The following SLC24A3 variants were observed in gnomAD, a reference collection of about 807,000 sequenced individuals.
SLC24A3 encodes the protein solute carrier family 24 member 3.
SLC24A3 carries 28 observed loss-of-function variants against 75.8 expected under a neutral mutation model. The ratio of observed to expected loss-of-function variants is 0.37; its 90% CI spans 0.27 to 0.51. The LOEUF (loss-of-function observed/expected upper bound fraction) is 0.51, where lower values mean the gene tolerates loss of function less well. SLC24A3 is among the 20% of genes least tolerant of loss of function. SLC24A3 has a pLI of 0.94. For missense variants in SLC24A3, 663 were observed against 847.8 expected (o/e 0.78, Z 2.71); for synonymous variants, 372 against 334.1 (o/e 1.11, Z -1.24).
At chr20:19,498,966 A>G (rs1988343466) in intron 2 of SLC24A3, among the ~76,000 whole-genome samples, 1 of 152,206 alleles carries the variant, frequency 6.6e-6, no homozygotes, top group African/African-American at 2.4e-5. Flanking sequence ...AGAAGACCAC[A>G]TGGCAAGACC....
intron 6 of SLC24A3, among the ~76,000 whole-genome samples, chr20:19,645,420 A>C (rs2032125804): frequency 6.6e-6 from 1 of 152,212 alleles, no homozygotes; most frequent in South Asian, 2.1e-4. Flanking sequence ...TGCAAGGCTC[A>C]GCTATATAGA....
At chr20:19,541,344 C>T (rs971626140) in intron 3 of SLC24A3, among the ~76,000 whole-genome samples, 2 of 152,364 alleles carry the variant, frequency 1.3e-5, no homozygotes, top group Non-Finnish European at 2.9e-5. Context: ...CTGCCTGTCC[C>T]GGAAGCCTGG....
chr20:19,649,229 G>C (rs147903445), intron 6 of SLC24A3, among the ~76,000 whole-genome samples: 17 of 152,340 alleles, frequency 1.1e-4, no homozygotes, highest in African/African-American at 3.8e-4. Context: ...TCAGGGCTGA[G>C]TCACATGGTT....
chr20:19,609,347 C>G (rs2031641467), intron 6 of SLC24A3, among the ~76,000 whole-genome samples: 1 of 151,206 alleles, frequency 6.6e-6, no homozygotes, highest in African/African-American at 2.4e-5. Flanking sequence ...TTATTTCTGT[C>G]CTACCACAAT....
At chr20:19,313,191 C>T (rs545530643) in intron 2 of SLC24A3, among the ~76,000 whole-genome samples, 1 of 152,154 alleles carries the variant, frequency 6.6e-6, no homozygotes, top group Admixed American at 6.5e-5. Flanking sequence ...CACCCGCCAG[C>T]ATGCCTGGCT....
intron 2 of SLC24A3, among the ~76,000 whole-genome samples, chr20:19,297,601 T>C (rs1984091191): frequency 6.6e-6 from 1 of 152,220 alleles, no homozygotes; most frequent in Non-Finnish European, 1.5e-5. Flanking sequence ...TCTGGACACA[T>C]ACACATCCTC....
At chr20:19,604,980 C>T (rs866709389) in intron 6 of SLC24A3, among the ~76,000 whole-genome samples, 31 of 152,280 alleles carry the variant, frequency 2.0e-4, no homozygotes, top group Middle Eastern at 6.8e-3. Context: ...TAACGGATCC[C>T]AGGCTTTAGC....
At chr20:19,343,460 T>C (rs1035676882) in intron 2 of SLC24A3, among the ~76,000 whole-genome samples, 1 of 152,124 alleles carries the variant, frequency 6.6e-6, no homozygotes, top group Non-Finnish European at 1.5e-5. Flanking sequence ...ACCTGGAGCA[T>C]AGTGAGTGCT....
chr20:19,627,006 G>T (rs1238053560), intron 6 of SLC24A3, among the ~76,000 whole-genome samples: 2 of 152,214 alleles, frequency 1.3e-5, no homozygotes, highest in African/African-American at 2.4e-5. Context: ...ATACAAACTG[G>T]TAGGAAATGG....
At chr20:19,454,547 C>G (rs901185351) in intron 2 of SLC24A3, among the ~76,000 whole-genome samples, 11 of 152,134 alleles carry the variant, frequency 7.2e-5, no homozygotes, top group Non-Finnish European at 1.6e-4. Context: ...GGGGGACTCT[C>G]TATAATGCCA....
chr20:19,675,093 A>G (rs530457861), intron 9 of SLC24A3, among the ~76,000 whole-genome samples: 14 of 152,146 alleles, frequency 9.2e-5, no homozygotes, highest in Non-Finnish European at 1.5e-4. Flanking sequence ...AATGTTTCCC[A>G]TGCTGTAAGT....
intron 6 of SLC24A3, among the ~76,000 whole-genome samples, chr20:19,620,141 T>C (rs1274535441): frequency 6.6e-6 from 1 of 152,174 alleles, no homozygotes; most frequent in African/African-American, 2.4e-5. Flanking sequence ...CCTGAGGGTC[T>C]CCCAGCACAA....
intron 6 of SLC24A3, among the ~76,000 whole-genome samples, chr20:19,599,627 G>A (rs1198368665): frequency 6.6e-6 from 1 of 152,226 alleles, no homozygotes; most frequent in African/African-American, 2.4e-5. Context: ...GTTAGACACT[G>A]AGACTCTATT....
intron 3 of SLC24A3, among the ~76,000 whole-genome samples, chr20:19,558,986 C>T (rs943356616): frequency 6.6e-6 from 1 of 152,086 alleles, no homozygotes; most frequent in Admixed American, 6.6e-5. Context: ...TTTCATTTAT[C>T]TTGGGTAAAT....
At chr20:19,264,525 G>A (rs1047028424) in intron 1 of SLC24A3, among the ~76,000 whole-genome samples, 1 of 151,682 alleles carries the variant, frequency 6.6e-6, no homozygotes, top group Non-Finnish European at 1.5e-5. Flanking sequence ...AGGAGTTCGC[G>A]ACCAGCCTGG....
intron 7 of SLC24A3, among the ~76,000 whole-genome samples, chr20:19,662,148 T>A (rs2032333652): frequency 6.6e-6 from 1 of 152,188 alleles, no homozygotes; most frequent in African/African-American, 2.4e-5. Flanking sequence ...CAGCTGGTGC[T>A]CAGCAGATCT....
chr20:19,466,543 T>C (rs1987768402), intron 2 of SLC24A3, among the ~76,000 whole-genome samples: 1 of 152,146 alleles, frequency 6.6e-6, no homozygotes, highest in Admixed American at 6.5e-5. Context: ...CCTGAAAAGG[T>C]AATAAAATAT....
At chr20:19,425,032 C>T (rs1986981681) in intron 2 of SLC24A3, among the ~76,000 whole-genome samples, 1 of 152,098 alleles carries the variant, frequency 6.6e-6, no homozygotes, top group African/African-American at 2.4e-5. Flanking sequence ...GGGCTGGGCA[C>T]AGTGACTTAC....
At chr20:19,401,137 T>C (rs1193411351) in intron 2 of SLC24A3, among the ~76,000 whole-genome samples, 3 of 152,128 alleles carry the variant, frequency 2.0e-5, no homozygotes, top group African/African-American at 7.2e-5. Context: ...GAGACAATGG[T>C]CCCAATTGCT....
Sources: allele counts gnomAD v4.1 joint callset (sites outside exome capture counted in the v4.1 genomes callset), GRCh38; gene constraint gnomAD v4.1.1; transcripts MANE v1.5; gene names NCBI Gene and HGNC (gene_info 2026-07-23, HGNC 2026-07-21).